The following REPS2 variants were observed in gnomAD, a reference collection of about 807,000 sequenced individuals.
The protein encoded by REPS2 is RALBP1 associated Eps domain containing 2, also known as ralBP1-associated Eps domain-containing protein 2.
In REPS2, 23 loss-of-function variants were observed where a neutral mutation model predicts 53.6. The observed-to-expected ratio is 0.43, with a 90% CI of 0.31 to 0.61. The LOEUF is 0.61. Among genes scored for constraint, REPS2 ranks in the 20% least tolerant of loss-of-function variants. The pLI is 0.11. For synonymous variants in REPS2, 238 were observed against 218.6 expected (o/e 1.09, Z -0.78); for missense variants, 446 against 534.9 (o/e 0.83, Z 1.64).
intron 13 of REPS2, among the ~76,000 whole-genome samples, chrX:17,098,418 C>A (rs1203924155): frequency 1.8e-5 from 2 of 111,331 alleles, no homozygotes; most frequent in Non-Finnish European, 3.8e-5. Flanking sequence ...TTTATTAAGA[C>A]AAAAACTGAG....
intron 5 of REPS2, among the ~76,000 whole-genome samples, chrX:17,038,881 C>G (rs750537103): frequency 2.7e-5 from 3 of 112,136 alleles, no homozygotes; most frequent in Admixed American, 1.9e-4. Flanking sequence ...GCTGATGGCT[C>G]AGAAGTTAAT....
intron 14 of REPS2, among the ~76,000 whole-genome samples, chrX:17,105,000 C>A (rs749593190): frequency 1.8e-5 from 2 of 110,698 alleles, no homozygotes; most frequent in East Asian, 5.6e-4. Context: ...CAAAACCCCT[C>A]TGAGGTAGAT....
intron 9 of REPS2, 46 bp downstream of exon 9, chrX:17,062,578 A>C: frequency 1.1e-6 from 1 of 934,609 alleles, no homozygotes. Flanking sequence ...GTATGGAGCT[A>C]AATCCATTGG....
chrX:17,082,029 AT>A (rs1297289232), intron 13 of REPS2, among the ~76,000 whole-genome samples: 2 of 110,560 alleles, frequency 1.8e-5, no homozygotes, highest in African/African-American at 6.6e-5. Context: ...TCATGAGGTA[AT>A]TTTTTTTTCA....
chrX:17,096,628 C>G (rs2062704166), intron 13 of REPS2, among the ~76,000 whole-genome samples: 2 of 80,712 alleles, frequency 2.5e-5, no homozygotes, highest in South Asian at 1.4e-3. Context: ...CCACTGCACT[C>G]CAGCCTGGGC....
At chrX:17,120,638 A>G (rs374869068) in intron 14 of REPS2, among the ~76,000 whole-genome samples, 22 of 111,529 alleles carry the variant, frequency 2.0e-4, no homozygotes, top group East Asian at 8.5e-4. Flanking sequence ...ATTAGTTGCA[A>G]CCAGCCCAGA....
chrX:17,148,830 A>G lies in REPS2; in HGVS notation c.*1349A>G, dbSNP rs2063540262. 3.0e-6 allele frequency: 1 copy of G among 328,585 alleles called. No individual in the cohort carries two copies. Among genetic ancestry groups the G allele is most frequent in the Admixed American group, 3.2e-5 (1 of 31,654 alleles). The allele number at this position is 328,585 out of a possible 1,213,427, so 27.1% of individuals were successfully genotyped here. A position where few individuals can be genotyped will look rare whatever the true frequency, so the allele number is the denominator to read the frequency against. Reference sequence around the variant, plus strand: ...AGAAATGCTGTCTCTTGTGCATTTTACTAATTTCCCCATTCTTAGGGTAGC... The same window carrying G: ...AGAAATGCTGTCTCTTGTGCATTTTGCTAATTTCCCCATTCTTAGGGTAGC... On this transcript the variant is annotated 3_prime_UTR_variant, in exon 18 of 18. Transcript: ENST00000357277.
intron 1 of REPS2, among the ~76,000 whole-genome samples, chrX:16,969,147 T>C (rs2060837950): frequency 9.3e-6 from 1 of 106,963 alleles, no homozygotes; most frequent in Admixed American, 9.8e-5. Context: ...GCAGAGACGC[T>C]CCTCACTTCC....
chrX:16,948,014 A>C (rs1410097409), intron 1 of REPS2, among the ~76,000 whole-genome samples: 1 of 112,337 alleles, frequency 8.9e-6, no homozygotes, highest in Non-Finnish European at 1.9e-5. Context: ...TGTCACCAGC[A>C]CTTCATGGTG....
intron 1 of REPS2, among the ~76,000 whole-genome samples, chrX:17,001,802 C>T (rs1248298445): frequency 8.9e-6 from 1 of 111,837 alleles, no homozygotes; most frequent in African/African-American, 3.3e-5. Context: ...GCAAAAGGCA[C>T]TTCTTACATG....
intron 5 of REPS2, among the ~76,000 whole-genome samples, chrX:17,030,383 G>A (rs2061694320): frequency 9.1e-6 from 1 of 110,407 alleles, no homozygotes; most frequent in Non-Finnish European, 1.9e-5. Context: ...ACACTAAAGA[G>A]GAAGTGGGGC....
chrX:16,948,570 CAAGT>C (rs1310698597), intron 1 of REPS2, among the ~76,000 whole-genome samples: 2 of 112,204 alleles, frequency 1.8e-5, no homozygotes, highest in Non-Finnish European at 3.8e-5. Flanking sequence ...GGCTATGCAG[CAAGT>C]AAGTGACAGC....
intron 5 of REPS2, 41 bp from the exon 6 acceptor site, chrX:17,047,306 A>T (rs543614219): frequency 1.7e-6 from 2 of 1,194,193 alleles, no homozygotes; most frequent in African/African-American, 3.5e-5. Flanking sequence ...CTCACTAAAG[A>T]CAGGTTCTCT....
Position 17,149,360 on chromosome X carries a change from CAGTGGCGCA to C in REPS2, c.*1881_*1889del, listed in dbSNP as rs1462576935. 2.3e-5 allele frequency: 3 copies of C among 128,159 alleles called. No individual in the cohort carries two copies. Among genetic ancestry groups the C allele is most frequent in the African/African-American group, 9.6e-5 (3 of 31,323 alleles). 10.6% of individuals were successfully genotyped at this position (128,159 alleles called of 1,213,427 possible). On this transcript the variant is annotated 3_prime_UTR_variant, in exon 18 of 18. Transcript: ENST00000357277. ...TTGCTCTGTCGCCCAGGCTGGAGCG[CAGTGGCGCA>C]ATCTCGGCTCACTGCAACCTCCACC... is the stretch of plus-strand genomic sequence containing the variant.
intron 3 of REPS2, among the ~76,000 whole-genome samples, chrX:17,023,259 C>G (rs1174151874): frequency 9.0e-6 from 1 of 111,567 alleles, no homozygotes; most frequent in Non-Finnish European, 1.9e-5. Flanking sequence ...AAAACCCTGT[C>G]TCTACTAGAA....
At chrX:17,058,261 C>T (rs2062102137) in intron 8 of REPS2, among the ~76,000 whole-genome samples, 1 of 110,229 alleles carries the variant, frequency 9.1e-6, no homozygotes, top group South Asian at 4.0e-4. Flanking sequence ...TTGAGACCAG[C>T]CTGGCCAACA....
chrX:17,176,958 G>C, the REPS2 span, among the ~76,000 whole-genome samples: 1 of 112,138 alleles, frequency 8.9e-6, no homozygotes, highest in East Asian at 2.8e-4. Flanking sequence ...TCTCCTCCTC[G>C]GTGTGTTTTC....
At chrX:17,188,640 G>A in the REPS2 span, among the ~76,000 whole-genome samples, 1 of 112,391 alleles carries the variant, frequency 8.9e-6, no homozygotes, top group African/African-American at 3.2e-5. Flanking sequence ...AAACTGATCT[G>A]AATTTCCTGT....
chrX:17,111,882 C>T (rs1348638284), intron 14 of REPS2, among the ~76,000 whole-genome samples: 1 of 111,828 alleles, frequency 8.9e-6, no homozygotes, highest in African/African-American at 3.3e-5. Context: ...TCATGAAACA[C>T]AGTTGAGGGA....
Sources: gnomAD v4.1 joint callset for allele counts (sites outside exome capture counted in the v4.1 genomes callset) on GRCh38, gnomAD v4.1.1 for gene constraint, MANE v1.5 for transcripts, NCBI Gene and HGNC (gene_info 2026-07-23, HGNC 2026-07-21) for gene names.